MTHFS: variants seen among roughly 807,000 people sequenced by gnomAD.
MTHFS encodes methenyltetrahydrofolate synthetase.
Under a neutral mutation model 12.7 loss-of-function variants are expected in MTHFS, and 7 were observed. That is an observed-to-expected ratio of 0.55 (90% CI 0.31 to 1.03). The LOEUF (loss-of-function observed/expected upper bound fraction) is 1.03. Among genes scored for constraint, MTHFS ranks in the 50% least tolerant of loss-of-function variants. MTHFS has a pLI of 0.05. For synonymous variants in MTHFS, 100 were observed against 97.1 expected, an observed-to-expected ratio of 1.03 and a Z score of -0.18; for missense variants, 252 against 258.1, an observed-to-expected ratio of 0.98 and a Z score of 0.16.
At chr15:79,869,912 A>C (rs1277288644) in intron 2 of MTHFS, among the ~76,000 whole-genome samples, 2 of 152,214 alleles carry the variant, frequency 1.3e-5, no homozygotes, top group East Asian at 3.8e-4. Context: ...AATATATTAC[A>C]GATCCAGAAG....
At chr15:79,861,202 G>A (rs1007270589) in intron 2 of MTHFS, among the ~76,000 whole-genome samples, 2 of 152,118 alleles carry the variant, frequency 1.3e-5, no homozygotes, top group Non-Finnish European at 2.9e-5. Flanking sequence ...TTAGGTGAAG[G>A]GGTTTACTCA....
chr15:79,884,094 T>C (rs896443058), intron 2 of MTHFS, among the ~76,000 whole-genome samples: 11 of 152,202 alleles, frequency 7.2e-5, no homozygotes, highest in Admixed American at 6.5e-4. Context: ...ATAACAGATA[T>C]GTAAGGTAGG....
At chr15:79,889,431 C>T in intron 1 of MTHFS, 77 bp from the exon 2 acceptor site, 1 of 1,490,914 alleles carries the variant, frequency 6.7e-7, no homozygotes. Context: ...TCCTTTCTCT[C>T]TCAGCCTTCT....
intron 1 of MTHFS, among the ~76,000 whole-genome samples, chr15:79,893,933 A>G (rs1460237999): frequency 6.6e-6 from 1 of 152,154 alleles, no homozygotes; most frequent in Non-Finnish European, 1.5e-5. Flanking sequence ...AATAAGAATA[A>G]ATACGCTTTT....
chr15:79,848,987 C>CA (rs1238947790), intron 2 of MTHFS, among the ~76,000 whole-genome samples: 1 of 151,660 alleles, frequency 6.6e-6, no homozygotes, highest in Non-Finnish European at 1.5e-5. Context: ...CTCAAAGAGG[C>CA]AAAAAAATAA....
chr15:79,858,863 G>C (rs1004781801), intron 2 of MTHFS, among the ~76,000 whole-genome samples: 3 of 152,102 alleles, frequency 2.0e-5, no homozygotes, highest in Non-Finnish European at 4.4e-5. Context: ...AATTACTTCA[G>C]AAACGTCTGT....
Position 79,889,335 on chromosome 15 carries a change from T to A in MTHFS, c.137A>T (p.Tyr46Phe). ...GATGGAAATTCTTTTGGACTTTTGA[T>A]ACTCACTGTGGGCAATCACCTAAAT... The part of the protein sequence containing the change: ...LSQKVIAHSE[Y>F]QKSKRISIFL... The change falls in exon 2 of 3, where the codon TAT (tyrosine) becomes TTT (phenylalanine). Residue 46 changes from tyrosine (Y) to phenylalanine (F), a missense_variant. By Grantham distance (22) the Tyr-to-Phe change is conservative. Transcript: ENST00000258874. 1 of 1,614,020 alleles carries A rather than the reference T, an allele frequency of 6.2e-7. No individual in the cohort carries two copies. Among genetic ancestry groups the A allele is most frequent in the East Asian group, 2.2e-5 (1 of 44,892 alleles).
chr15:79,882,634 G>C (rs1400139810), intron 2 of MTHFS, among the ~76,000 whole-genome samples: 1 of 152,140 alleles, frequency 6.6e-6, no homozygotes, highest in Non-Finnish European at 1.5e-5. Context: ...AGAGCCAAGG[G>C]GCACATAGGT....
intron 2 of MTHFS, among the ~76,000 whole-genome samples, chr15:79,852,147 A>G (rs1465338777): frequency 2.0e-5 from 3 of 152,198 alleles, no homozygotes; most frequent in Non-Finnish European, 4.4e-5. Flanking sequence ...ATCCTAAAAT[A>G]AAATACAGAA....
chr15:79,882,745 A>G (rs1023215330), intron 2 of MTHFS, among the ~76,000 whole-genome samples: 2 of 152,190 alleles, frequency 1.3e-5, no homozygotes, highest in Non-Finnish European at 1.5e-5. Flanking sequence ...ACAGCTCCCA[A>G]TTCAGGTGTA....
intron 2 of MTHFS, 114 bp from the exon 3 acceptor site, chr15:79,845,556 G>A (rs1009022829): frequency 2.1e-5 from 29 of 1,370,670 alleles, no homozygotes; most frequent in Non-Finnish European, 2.7e-5. Flanking sequence ...TAAAAACAAT[G>A]TGTGACCATT....
chr15:79,845,052 G>T lies in MTHFS; in HGVS notation c.*158C>A. The T allele has an allele frequency of 1.0e-6, 1 of 987,312 alleles. No homozygotes were observed. The highest frequency in any genetic ancestry group is 3.0e-5 in the Admixed American group (1 of 33,598). 61.2% of individuals were successfully genotyped at this position (987,312 alleles called of 1,614,324 possible). A position where few individuals can be genotyped will look rare whatever the true frequency, so the allele number is the denominator to read the frequency against. Reference sequence around the variant, plus strand: ...ATTCACACTTCTATTGGTTTTTAAAGATGGTTTTATATAAGGTATTTCATA... The same window carrying T: ...ATTCACACTTCTATTGGTTTTTAAATATGGTTTTATATAAGGTATTTCATA... On this transcript the variant is annotated 3_prime_UTR_variant, in exon 3 of 3. Transcript: ENST00000258874.
In MTHFS at chr15:79,889,073, C is replaced by T; in HGVS notation, c.379+20G>A. 1 of 1,612,952 alleles carries T rather than the reference C, an allele frequency of 6.2e-7. No individual in the cohort carries two copies. Among genetic ancestry groups the T allele is most frequent in the African/African-American group, 1.3e-5 (1 of 75,016 alleles). On this transcript the variant is annotated intron_variant, in intron 2 of 2. Transcript: ENST00000258874. The stretch of plus-strand genomic sequence containing the variant: ...ACAACTGGTCATAATCTAACAACAT[C>T]CTAACACCATAATACTCACCTGTGG...
intron 2 of MTHFS, among the ~76,000 whole-genome samples, chr15:79,865,632 G>A (rs750435331): frequency 3.3e-5 from 5 of 152,116 alleles, no homozygotes; most frequent in African/African-American, 7.2e-5. Context: ...TAACGAGGAA[G>A]ACCACCTCAG....
In MTHFS at chr15:79,869,649, G is replaced by C. The variant is rs1181705911; in HGVS notation, c.379+19444C>G. Reference sequence around the variant, plus strand: ...GGGTCTCATTACGTTTCCCAGGCTAGTCTTAAATTCCTGGGCTCAAATGAT... The same window carrying C: ...GGGTCTCATTACGTTTCCCAGGCTACTCTTAAATTCCTGGGCTCAAATGAT... On this transcript the variant is annotated intron_variant, in intron 2 of 2. Coordinates refer to ENST00000258874, the MANE Select transcript of MTHFS (RefSeq NM_006441.4). 2.6e-5 allele frequency among the ~76,000 whole-genome samples: 4 copies of C among 152,208 alleles called. No individual in the cohort carries two copies. The East Asian group carries it at 5.8e-4, about 22-fold the overall frequency.
chr15:79,866,179 A>G (rs73474556), intron 2 of MTHFS, among the ~76,000 whole-genome samples: 519 of 152,200 alleles, frequency 3.4e-3, no homozygotes, highest in African/African-American at 0.012. Context: ...TCCAGTTCTC[A>G]TGAATAAAAG....
At chr15:79,896,768 C>A in intron 1 of MTHFS, 104 bp downstream of exon 1, 1 of 1,456,476 alleles carries the variant, frequency 6.9e-7, no homozygotes. Context: ...TGGGGGGGCG[C>A]CTAGCCCAGC....
In MTHFS at chr15:79,896,719, T is replaced by C. The variant is rs923514970; in HGVS notation, c.117+153A>G. The C allele has an allele frequency of 1.9e-5, 18 of 926,646 alleles. No homozygotes were observed. In the South Asian group the frequency reaches 3.8e-4, roughly 19 times the overall value. The allele number at this position is 926,646 out of a possible 1,614,324, so 57.4% of individuals were successfully genotyped here. On this transcript the variant is annotated intron_variant, in intron 1 of 2. Coordinates refer to ENST00000258874, the MANE Select transcript of MTHFS (RefSeq NM_006441.4). The stretch of plus-strand genomic sequence containing the variant: ...GCGTCCAGACCACGACTAGGGGGCG[T>C]GCGCGCGCCGGGAGGGGAAACGTGC...
upstream of MTHFS, chr15:79,897,176 T>G: frequency 1.9e-6 from 1 of 521,204 alleles, no homozygotes; most frequent in Non-Finnish European, 3.2e-6. Flanking sequence ...CTCTGGCCCT[T>G]GGGACCCAGC....
Sources: gnomAD v4.1 joint callset for allele counts (sites outside exome capture counted in the v4.1 genomes callset) on GRCh38, gnomAD v4.1.1 for gene constraint, MANE v1.5 for transcripts, NCBI Gene and HGNC (gene_info 2026-07-23, HGNC 2026-07-21) for gene names.